Variants in AP1B1 observed in about 807,000 individuals in gnomAD.
AP1B1 encodes the protein adaptor related protein complex 1 subunit beta 1.
A neutral mutation model predicts 104.3 loss-of-function variants in AP1B1; 36 were observed. The ratio of observed to expected loss-of-function variants is 0.35; its 90% CI spans 0.26 to 0.46. The LOEUF (loss-of-function observed/expected upper bound fraction) is 0.46. AP1B1 is among the 20% of genes least tolerant of loss of function. AP1B1 has a pLI of 1.00. For missense variants in AP1B1, 901 were observed against 1,247.9 expected (o/e 0.72, Z 4.19); for synonymous variants, 504 against 517.5 (o/e 0.97, Z 0.35).
At chr22:29,364,827 G>A (rs913877493) in intron 2 of AP1B1, among the ~76,000 whole-genome samples, 10 of 151,902 alleles carry the variant, frequency 6.6e-5, no homozygotes, top group Non-Finnish European at 1.5e-4. Flanking sequence ...TGCTGCCTCA[G>A]CCTCCCAAAT....
At chr22:29,370,688 G>A (rs1569164545) in intron 1 of AP1B1, 2 of 152,078 alleles carry the variant, frequency 1.3e-5, no homozygotes, top group South Asian at 2.1e-4. Context: ...GAGGAGAAAC[G>A]GGTGAGAAAG....
intron 16 of AP1B1, among the ~76,000 whole-genome samples, chr22:29,335,388 C>A (rs761856044): frequency 4.6e-5 from 7 of 152,144 alleles, no homozygotes; most frequent in Non-Finnish European, 1.0e-4. Context: ...CCAGAAACCA[C>A]AGAAACATCA....
intron 1 of AP1B1, among the ~76,000 whole-genome samples, chr22:29,370,314 G>A (rs1026183674): frequency 6.6e-6 from 1 of 151,890 alleles, no homozygotes; most frequent in African/African-American, 2.4e-5. Context: ...TTAGCTGGGC[G>A]TGGTGGCATG....
rs1040507915 is a variant in AP1B1, at chr22:29,339,102, G to A, written c.2051C>T (p.Thr684Ile). 6.2e-7 allele frequency: 1 copy of A among 1,614,210 alleles called. No individual in the cohort carries two copies. Among genetic ancestry groups the A allele is most frequent in the Non-Finnish European group, 8.5e-7 (1 of 1,180,044 alleles). Residue 684 changes from threonine (T) to isoleucine (I), a missense_variant, in exon 16 of 23, where the codon ACA becomes ATA. Around this residue, in one of 3 missense-constraint regions of AP1B1, gnomAD observed 424 missense variants for 494.0 expected, o/e 0.86. Transcript: ENST00000357586. ...TCCAAGATTGGCTGGTACTGCTGCT[G>A]TTGGAGGTGCCACGAAGTTGGTGCC... Reference protein sequence around the residue: ...IGGTNFVAPPTAAVPANLGAP... With the variant: ...IGGTNFVAPPIAAVPANLGAP...
Position 29,351,249 on chromosome 22 carries a change from T to C in AP1B1, c.1077A>G (p.Lys359=). 1 of 1,614,224 alleles carries C rather than the reference T, an allele frequency of 6.2e-7. No homozygotes were observed. Among genetic ancestry groups the C allele is most frequent in the Non-Finnish European group, 8.5e-7 (1 of 1,180,048 alleles). Residue 359 remains lysine, a synonymous_variant, in exon 9 of 23, where the codon AAA becomes AAG. Coordinates refer to ENST00000357586, the MANE Select transcript of AP1B1 (RefSeq NM_001127.4). ...CCACATCCACTTCTGTTGCGTACTCTTTCAGCTCTGCCAACACCTGTGGCC... is the reference window on the plus strand; with the variant it reads ...CCACATCCACTTCTGTTGCGTACTCCTTCAGCTCTGCCAACACCTGTGGCC... ...ANIAQVLAEL[K]EYATEVDVDF...
At chr22:29,383,690 CAAAAAAAAA>C (rs35180572) in intron 1 of AP1B1, among the ~76,000 whole-genome samples, 2 of 89,820 alleles carry the variant, frequency 2.2e-5, no homozygotes, top group South Asian at 7.4e-4. Context: ...GACTCCGTCT[CAAAAAAAAA>C]AAAAAAAAAA....
chr22:29,378,752 G>A (rs1247249897), intron 1 of AP1B1, among the ~76,000 whole-genome samples: 5 of 149,970 alleles, frequency 3.3e-5, no homozygotes, highest in South Asian at 4.2e-4. Context: ...CCAGCTACTC[G>A]GGAGGCTGAG....
intron 1 of AP1B1, among the ~76,000 whole-genome samples, chr22:29,368,154 C>G (rs1254603711): frequency 6.6e-6 from 1 of 152,068 alleles, no homozygotes; most frequent in Non-Finnish European, 1.5e-5. Context: ...AAAAATTAGC[C>G]AGGCGTGGTA....
intron 1 of AP1B1, among the ~76,000 whole-genome samples, chr22:29,378,767 G>A (rs1191531004): frequency 1.3e-5 from 2 of 150,446 alleles, no homozygotes; most frequent in African/African-American, 4.9e-5. Context: ...GCTGAGGCAG[G>A]AGAATGGTGT....
intron 2 of AP1B1, among the ~76,000 whole-genome samples, chr22:29,365,002 C>G (rs2062110617): frequency 6.6e-6 from 1 of 152,222 alleles, no homozygotes; most frequent in Non-Finnish European, 1.5e-5. Flanking sequence ...AGCCACCATG[C>G]CCGGCCCCTC....
intron 5 of AP1B1, among the ~76,000 whole-genome samples, chr22:29,358,381 C>T (rs1435614751): frequency 6.6e-6 from 1 of 152,170 alleles, no homozygotes; most frequent in Non-Finnish European, 1.5e-5. Context: ...GGAAGGAGGG[C>T]ACTAGTATTG....
chr22:29,333,939 C>T (rs2061598914), intron 17 of AP1B1, among the ~76,000 whole-genome samples: 1 of 152,154 alleles, frequency 6.6e-6, no homozygotes, highest in Non-Finnish European at 1.5e-5. Flanking sequence ...GTGGTGTGCA[C>T]CTGTAGTCCC....
chr22:29,330,793 G>T, intron 19 of AP1B1, 84 bp from the exon 20 acceptor site: 1 of 1,201,282 alleles, frequency 8.3e-7, no homozygotes, highest in Non-Finnish European at 1.2e-6. Context: ...AATGGGTCTG[G>T]CCTTTACTGT....
chr22:29,331,730 T>C, intron 18 of AP1B1, 57 bp downstream of exon 18: 1 of 1,613,960 alleles, frequency 6.2e-7, no homozygotes, highest in Non-Finnish European at 8.5e-7. Context: ...CTGACCCCAG[T>C]GGGGCCCGGC....
At chr22:29,336,847 A>G (rs1336836392) in intron 16 of AP1B1, among the ~76,000 whole-genome samples, 1 of 150,218 alleles carries the variant, frequency 6.7e-6, no homozygotes, top group Non-Finnish European at 1.5e-5. Flanking sequence ...GCCTAGTGCC[A>G]GCTTGCCAAA....
Position 29,388,531 on chromosome 22 carries a change from CG to C in AP1B1, c.-136del, listed in dbSNP as rs1031412491. On this transcript the variant is annotated 5_prime_UTR_variant, in exon 1 of 23. Transcript: ENST00000357586. ...CGGTGCGTCCGGGCTGCCGGCGGCT[CG>C]GAGCCCCGCGGCTGTCACCTGCCGG... 1.3e-5 allele frequency: 2 copies of C among 152,264 alleles called. No homozygotes were observed. Among genetic ancestry groups the C allele is most frequent in the African/African-American group, 4.8e-5 (2 of 41,470 alleles). The allele number at this position is 152,264 out of a possible 1,614,324, so 9.4% of individuals were successfully genotyped here. A position where few individuals can be genotyped will look rare whatever the true frequency, so the allele number is the denominator to read the frequency against.
Position 29,350,103 on chromosome 22 carries a change from G to T in AP1B1, c.1203C>A (p.Thr401=), listed in dbSNP as rs1426406808. The T allele has an allele frequency of 6.2e-7, 1 of 1,614,208 alleles. No individual in the cohort carries two copies. The highest frequency in any genetic ancestry group is 8.5e-7 in the Non-Finnish European group (1 of 1,180,028). The change falls in exon 10 of 23, where the codon ACC becomes ACA. Residue 401 remains threonine (T), a synonymous_variant. Coordinates refer to ENST00000357586, the MANE Select transcript of AP1B1 (RefSeq NM_001127.4). ...CVSTLLDLIQ[T]KVNYVVQEAI... ...CCTCCTGGACCACATAGTTGACCTT[G>T]GTCTGGATGAGGTCGAGCAGCGTGC... is the stretch of plus-strand genomic sequence containing the variant.
chr22:29,361,391 G>A (rs201060465), intron 3 of AP1B1, among the ~76,000 whole-genome samples: 5,238 of 120,262 alleles, frequency 0.044, no homozygotes, highest in African/African-American at 0.12. Context: ...TGGGCACCAC[G>A]AGGGCATGGG....
intron 11 of AP1B1, among the ~76,000 whole-genome samples, chr22:29,346,243 C>G (rs1602719194): frequency 6.6e-6 from 1 of 152,314 alleles, no homozygotes; most frequent in East Asian, 1.9e-4. Flanking sequence ...CTTACCTCTC[C>G]CTGTCCAGCT....
Sources: allele counts gnomAD v4.1 joint callset (sites outside exome capture counted in the v4.1 genomes callset), GRCh38; gene constraint gnomAD v4.1.1; regional missense constraint gnomAD v4.1.1; transcripts MANE v1.5; gene names NCBI Gene and HGNC (gene_info 2026-07-23, HGNC 2026-07-21).